The following PAX2 variants were observed in gnomAD, a reference collection of about 807,000 sequenced individuals.
The protein encoded by PAX2 is paired box 2.
PAX2 carries 9 observed loss-of-function variants against 41.7 expected under a neutral mutation model. The ratio of observed to expected loss-of-function variants is 0.22; its 90% CI spans 0.13 to 0.38. The LOEUF (loss-of-function observed/expected upper bound fraction) is 0.38. Among genes scored for constraint, PAX2 ranks in the 10% least tolerant of loss-of-function variants. The pLI, the probability that PAX2 is intolerant of heterozygous loss-of-function variation, is 1.00. For missense variants in PAX2, 418 were observed against 531.6 expected, an observed-to-expected ratio of 0.79 and a Z score of 2.10; for synonymous variants, 221 against 212.7, an observed-to-expected ratio of 1.04 and a Z score of -0.34.
chr10:100,761,689 C>T (rs1013926967), intron 3 of PAX2, among the ~76,000 whole-genome samples: 2 of 152,192 alleles, frequency 1.3e-5, no homozygotes, highest in African/African-American at 4.8e-5. Context: ...AATGCAAATA[C>T]AATGAGATTT....
intron 7 of PAX2, among the ~76,000 whole-genome samples, chr10:100,820,358 C>G (rs1448777018): frequency 6.6e-6 from 1 of 152,190 alleles, no homozygotes; most frequent in Non-Finnish European, 1.5e-5. Flanking sequence ...ATCTTTGTGC[C>G]TTCATTGTCT....
intron 5 of PAX2, among the ~76,000 whole-genome samples, chr10:100,783,011 T>A (rs2133901529): frequency 6.6e-6 from 1 of 152,348 alleles, no homozygotes; most frequent in South Asian, 2.1e-4. Flanking sequence ...TCTGAGGCTG[T>A]GGCCAAGTAT....
rs905357929 is a variant in PAX2, at chr10:100,791,147, C to T, written c.616+9782C>T. Among the ~76,000 whole-genome samples, 1 of 152,206 alleles carries T rather than the reference C, an allele frequency of 6.6e-6. No individual in the cohort carries two copies. Among genetic ancestry groups the T allele is most frequent in the Non-Finnish European group, 1.5e-5 (1 of 68,034 alleles). On this transcript the variant is annotated intron_variant, in intron 5 of 9. Transcript: ENST00000355243. This position sits in a 1 kb window ranked among gnomAD's most constrained non-coding sequence, Gnocchi z 4.5. The stretch of plus-strand genomic sequence containing the variant: ...GCTGCCCCCATGAAATGTCAGCATC[C>T]CCTCCCTCCCTGAGGCTCCGCCTGC...
intron 1 of PAX2, chr10:100,747,495 G>A (rs1845235390): frequency 2.5e-6 from 1 of 402,336 alleles, no homozygotes; most frequent in Non-Finnish European, 3.3e-6. Flanking sequence ...TTTTTTAAAA[G>A]CTAAAATTCT....
chr10:100,741,179 G>A (rs1039161043), upstream of PAX2, among the ~76,000 whole-genome samples: 2 of 152,168 alleles, frequency 1.3e-5, no homozygotes, highest in Admixed American at 6.5e-5. Context: ...CCAACAGACC[G>A]AGCGGGCGGG....
chr10:100,799,952 A>T (rs992694037), intron 5 of PAX2, among the ~76,000 whole-genome samples: 4 of 151,606 alleles, frequency 2.6e-5, no homozygotes, highest in Non-Finnish European at 4.4e-5. Context: ...CACCCAGCTA[A>T]TTTTTTGTAT....
chr10:100,782,508 C>G (rs896234416), intron 5 of PAX2, among the ~76,000 whole-genome samples: 1 of 152,360 alleles, frequency 6.6e-6, no homozygotes, highest in East Asian at 1.9e-4. Flanking sequence ...GGCCCACAGT[C>G]CAAGATCCCC....
Position 100,780,260 on chromosome 10 carries a change from C to T in PAX2, c.496+677C>T, listed in dbSNP as rs1445122900. On this transcript the variant is annotated intron_variant, in intron 4 of 9. Coordinates refer to ENST00000355243, the MANE Select transcript of PAX2 (RefSeq NM_000278.5). ...AGCCATGCTTAGGGCCTCTCAAAGA[C>T]GTGACCCAGGCCTACTAGAACACCT... Among the ~76,000 whole-genome samples, 4 of 152,124 alleles carry T rather than the reference C, an allele frequency of 2.6e-5. No homozygotes were observed. In the East Asian group the frequency reaches 7.7e-4, roughly 29 times the overall value.
intron 5 of PAX2, among the ~76,000 whole-genome samples, chr10:100,796,135 G>A (rs1360516868): frequency 1.3e-5 from 2 of 152,096 alleles, no homozygotes; most frequent in African/African-American, 4.8e-5. Context: ...ATGATCCTAA[G>A]TGCAATACAT....
chr10:100,822,343 A>G (rs947420539), intron 7 of PAX2, among the ~76,000 whole-genome samples: 1 of 152,200 alleles, frequency 6.6e-6, no homozygotes, highest in East Asian at 1.9e-4. Context: ...AAGAAAAAGC[A>G]TATTCTAATA....
intron 3 of PAX2, among the ~76,000 whole-genome samples, chr10:100,751,371 A>G (rs1845435138): frequency 6.6e-6 from 1 of 152,172 alleles, no homozygotes; most frequent in South Asian, 2.1e-4. Flanking sequence ...TGGTCTTGCT[A>G]GCCAGCTCCA....
chr10:100,789,840 G>T (rs950036216), intron 5 of PAX2, among the ~76,000 whole-genome samples: 2 of 152,174 alleles, frequency 1.3e-5, no homozygotes, highest in African/African-American at 4.8e-5. Flanking sequence ...AAACTCTCTG[G>T]GTAGAGTTGG....
At chr10:100,782,281 A>C (rs1846664480) in intron 5 of PAX2, among the ~76,000 whole-genome samples, 2 of 152,218 alleles carry the variant, frequency 1.3e-5, no homozygotes, top group African/African-American at 4.8e-5. Context: ...ATGAGCATAA[A>C]GGGGTGACCA....
rs768914583 is a variant in PAX2 at position 100,781,384 on chromosome 10, G to A, written c.616+19G>A. On this transcript the variant is annotated intron_variant, in intron 5 of 9. Coordinates refer to ENST00000355243, the MANE Select transcript of PAX2 (RefSeq NM_000278.5). ...GATGAAGGTAGGGAGGAGGGAAGAG[G>A]TGTGGCTTCCCCTTCACATGCTTTG... The A allele has an allele frequency of 5.6e-6, 9 of 1,613,264 alleles. No homozygotes were observed. The highest frequency in any genetic ancestry group is 5.9e-6 in the Non-Finnish European group (7 of 1,179,312).
chr10:100,799,437 CTG>C (rs1490326555), intron 5 of PAX2, among the ~76,000 whole-genome samples: 10 of 152,270 alleles, frequency 6.6e-5, no homozygotes, highest in East Asian at 5.8e-4. Flanking sequence ...TCTGTGAAGA[CTG>C]TGGATAATGT....
rs1356543653 is a variant in PAX2 at position 100,829,918 on chromosome 10, T to G, written c.*2299T>G. 5.7e-6 allele frequency: 1 copy of G among 174,638 alleles called. No homozygotes were observed. Among genetic ancestry groups the G allele is most frequent in the Non-Finnish European group, 1.2e-5 (1 of 80,946 alleles). The allele number at this position is 174,638 out of a possible 1,614,324, so 10.8% of individuals were successfully genotyped here. A position where few individuals can be genotyped will look rare whatever the true frequency, so the allele number is the denominator to read the frequency against. On this transcript the variant is annotated 3_prime_UTR_variant, in exon 10 of 10. Transcript: ENST00000355243. ...ATAAGAAATAAATAATAATAATAAA[T>G]AAAGAATAAAATTTTGTATGTCACT...
chr10:100,762,565 G>A (rs970251648), intron 3 of PAX2, among the ~76,000 whole-genome samples: 3 of 152,102 alleles, frequency 2.0e-5, no homozygotes, highest in Admixed American at 1.3e-4. Flanking sequence ...AAATTAAGTC[G>A]AGGGGAGAGA....
rs1848666119 is a variant in PAX2, at chr10:100,828,524, C to G, written c.*905C>G. On this transcript the variant is annotated 3_prime_UTR_variant, in exon 10 of 10. Coordinates refer to ENST00000355243, the MANE Select transcript of PAX2 (RefSeq NM_000278.5). The surrounding 1 kb of genome is among the most constrained non-coding windows in gnomAD (Gnocchi z 6.5). ...CCTGTCCCTTGACGCCCTGCATCCTCCTCCCTGACTCGCAGCCCCATCGGA... is the reference window on the plus strand; with the variant it reads ...CCTGTCCCTTGACGCCCTGCATCCTGCTCCCTGACTCGCAGCCCCATCGGA... 1.3e-5 allele frequency: 3 copies of G among 233,652 alleles called. No individual in the cohort carries two copies. Among genetic ancestry groups the G allele is most frequent in the Non-Finnish European group, 2.5e-5 (3 of 118,420 alleles). 14.5% of individuals were successfully genotyped at this position (233,652 alleles called of 1,614,324 possible). A position where few individuals can be genotyped will look rare whatever the true frequency, so the allele number is the denominator to read the frequency against.
At chr10:100,810,862 C>A (rs1358818910) in intron 7 of PAX2, among the ~76,000 whole-genome samples, 2 of 152,120 alleles carry the variant, frequency 1.3e-5, no homozygotes, top group African/African-American at 2.4e-5. Context: ...CACCCGCCTC[C>A]CCCCCATGGC....
Sources: allele counts gnomAD v4.1 joint callset (sites outside exome capture counted in the v4.1 genomes callset), GRCh38; gene constraint gnomAD v4.1.1; non-coding constraint Gnocchi (gnomAD v3.1); transcripts MANE v1.5; gene names NCBI Gene and HGNC (gene_info 2026-07-23, HGNC 2026-07-21).